The following CTSH variants were observed in gnomAD, a reference collection of about 807,000 sequenced individuals.
CTSH encodes cathepsin H.
CTSH carries 52 observed loss-of-function variants against 56.3 expected under a neutral mutation model. That is an observed-to-expected ratio of 0.92 (90% CI 0.74 to 1.16). The LOEUF (loss-of-function observed/expected upper bound fraction) is 1.16. CTSH is among the 50% of genes most tolerant of loss of function. The pLI is 0.00. For synonymous variants in CTSH, 174 were observed against 155.7 expected, an observed-to-expected ratio of 1.12 and a Z score of -0.88; for missense variants, 406 against 424.5, an observed-to-expected ratio of 0.96 and a Z score of 0.38.
chr15:78,929,418 C>G lies in CTSH; in HGVS notation c.624G>C (p.Gln208His). 2 of 1,612,012 alleles carry G rather than the reference C, an allele frequency of 1.2e-6. No individual in the cohort carries two copies. The highest frequency in any genetic ancestry group is 1.1e-5 in the South Asian group (1 of 90,752). ...TGGAGGCTGTTGGAGTTACCTTGCC[C>G]TGGTAGGGGTAGGTGTCTTCACCCA... ...GIMGEDTYPY[Q>H]GKDGYCKFQP... The change falls in exon 8 of 12, where the codon CAG becomes CAC. Residue 208 changes from glutamine to histidine, a missense_variant. Physicochemically the swap from Gln to His is conservative, Grantham distance 24. Coordinates refer to ENST00000220166, the MANE Select transcript of CTSH (RefSeq NM_004390.5).
intron 10 of CTSH, among the ~76,000 whole-genome samples, 195 bp from the exon 11 acceptor site, chr15:78,923,313 G>T (rs541559726): frequency 6.6e-6 from 1 of 152,146 alleles, no homozygotes; most frequent in Non-Finnish European, 1.5e-5. Context: ...CTTTTGAGAC[G>T]GAGTCTCACT....
chr15:78,929,412 C>G lies in CTSH; in HGVS notation c.630G>C (p.Lys210Asn), dbSNP rs763458320. ...MGEDTYPYQGKDGYCKFQPGK... is the reference protein window; with the variant it reads ...MGEDTYPYQGNDGYCKFQPGK... ...ACAGAGTGGAGGCTGTTGGAGTTAC[C>G]TTGCCCTGGTAGGGGTAGGTGTCTT... The change falls in exon 8 of 12, where the codon AAG becomes AAC. Residue 210 changes from lysine to asparagine, a missense_variant and splice_region_variant. Physicochemically the swap from Lys to Asn is moderately conservative, Grantham distance 94. Coordinates refer to ENST00000220166, the MANE Select transcript of CTSH (RefSeq NM_004390.5). The G allele has an allele frequency of 6.2e-7, 1 of 1,611,742 alleles. No homozygotes were observed. The highest frequency in any genetic ancestry group is 1.1e-5 in the South Asian group (1 of 90,762).
At chr15:78,937,709 G>A in intron 2 of CTSH, 1 of 1,370,002 alleles carries the variant, frequency 7.3e-7, no homozygotes, top group South Asian at 1.2e-5. Context: ...GGCACTCCTG[G>A]ACGCCACTGC....
chr15:78,925,162 C>T (rs2054875551), intron 10 of CTSH, among the ~76,000 whole-genome samples, 172 bp downstream of exon 10: 1 of 152,164 alleles, frequency 6.6e-6, no homozygotes, highest in African/African-American at 2.4e-5. Flanking sequence ...GCCCTTGGGG[C>T]TGTGTGAGGA....
chr15:78,937,787 C>A (rs993845752), intron 2 of CTSH: 1 of 1,303,550 alleles, frequency 7.7e-7, no homozygotes, highest in South Asian at 1.2e-5. Context: ...TGTTCCCCAA[C>A]TGATTCTGCA....
At chr15:78,944,553 A>C (rs2055355680) in intron 1 of CTSH, 1 of 233,470 alleles carries the variant, frequency 4.3e-6, no homozygotes, top group African/African-American at 2.3e-5. Context: ...GCAGGGACAG[A>C]TCAGAGTCCT....
intron 5 of CTSH, 57 bp downstream of exon 5, chr15:78,934,921 G>T: frequency 2.7e-6 from 3 of 1,098,722 alleles, no homozygotes; most frequent in Non-Finnish European, 2.8e-6. Flanking sequence ...TCTTCCTGGT[G>T]TATTGTCTGG....
intron 8 of CTSH, among the ~76,000 whole-genome samples, chr15:78,928,403 A>G (rs967201122): frequency 2.0e-5 from 3 of 147,892 alleles, no homozygotes; most frequent in Admixed American, 6.8e-5. Context: ...TGTCTCTACT[A>G]AAAATATAAA....
intron 1 of CTSH, among the ~76,000 whole-genome samples, chr15:78,940,213 C>T (rs1441408902): frequency 6.6e-6 from 1 of 152,202 alleles, no homozygotes; most frequent in Non-Finnish European, 1.5e-5. Context: ...CGTATTTCCC[C>T]ATGTATGTTC....
Position 78,923,092 on chromosome 15 carries a change from T to G in CTSH, c.833A>C (p.Lys278Thr), listed in dbSNP as rs758464801. ...SSTSCHKTPDKVNHAVLAVGY... is the reference protein window; with the variant it reads ...SSTSCHKTPDTVNHAVLAVGY... ...AACAGCCAGTACTGCATGGTTTACTTTATCTGGAGTTTTATGGCAGGAAGT... is the reference window on the plus strand; with the variant it reads ...AACAGCCAGTACTGCATGGTTTACTGTATCTGGAGTTTTATGGCAGGAAGT... Residue 278 changes from lysine (K) to threonine (T), a missense_variant, in exon 11 of 12, where the codon AAA becomes ACA. Lys to Thr is a moderately conservative substitution (Grantham distance 78). Transcript: ENST00000220166. The G allele has an allele frequency of 6.2e-7, 1 of 1,612,654 alleles. No individual in the cohort carries two copies. Among genetic ancestry groups the G allele is most frequent in the Admixed American group, 1.7e-5 (1 of 59,586 alleles).
intron 9 of CTSH, chr15:78,926,574 A>C (rs1487352106): frequency 1.3e-5 from 2 of 152,242 alleles, no homozygotes; most frequent in African/African-American, 2.4e-5. Flanking sequence ...TGTCCTTGGG[A>C]TATCATGGCC....
intron 5 of CTSH, among the ~76,000 whole-genome samples, chr15:78,933,130 G>A (rs1178041020): frequency 3.3e-5 from 5 of 152,138 alleles, no homozygotes; most frequent in Non-Finnish European, 7.3e-5. Flanking sequence ...CATTGCCGCT[G>A]CCTAGCCCCC....
At position 78,922,126 on chromosome 15, in the gene CTSH, C is replaced by T. The variant is rs777892897; in HGVS notation, c.*4G>A. The T allele has an allele frequency of 2.1e-5, 33 of 1,563,686 alleles. No individual in the cohort carries two copies. Among genetic ancestry groups the T allele is most frequent in the East Asian group, 1.2e-4 (5 of 42,458 alleles). ...CCGCCAGTCTGCGCTGCGGCTGCCA[C>T]GGCTCACACCAGAGGGATGGGGTAG... On this transcript the variant is annotated 3_prime_UTR_variant, in exon 12 of 12. Transcript: ENST00000220166.
rs1430558326 is a variant in CTSH, at chr15:78,922,145, G to T, written c.993C>A (p.Pro331=). 1 of 1,575,586 alleles carries T rather than the reference G, an allele frequency of 6.3e-7. No homozygotes were observed. The highest frequency in any genetic ancestry group is 8.6e-7 in the Non-Finnish European group (1 of 1,161,382). ...MCGLAACASY[P]IPLV ...CTGCCACGGCTCACACCAGAGGGAT[G>T]GGGTAGGAGGCGCAGGCAGCCAGGC... The change falls in exon 12 of 12, where the codon CCC becomes CCA. Residue 331 remains proline, a synonymous_variant. Transcript: ENST00000220166.
chr15:78,927,611 G>A lies in CTSH; in HGVS notation c.699+102C>T, dbSNP rs1160716475. ...TATGAACTCGTCAAAGGGATGTGCT[G>A]CCAGAAGGGCTGCCTTGCTGGGCCC... On this transcript the variant is annotated intron_variant, in intron 9 of 11. Transcript: ENST00000220166. The A allele has an allele frequency of 1.5e-5, 15 of 996,380 alleles. No individual in the cohort carries two copies. The Admixed American group carries it at 2.3e-4, about 15-fold the overall frequency. The allele number at this position is 996,380 out of a possible 1,614,324, so 61.7% of individuals were successfully genotyped here.
intron 1 of CTSH, among the ~76,000 whole-genome samples, 161 bp from the exon 2 acceptor site, chr15:78,939,332 G>A (rs966416422): frequency 6.6e-6 from 1 of 152,174 alleles, no homozygotes; most frequent in Non-Finnish European, 1.5e-5. Context: ...AAGAAACTCC[G>A]ACTCTTCCTG....
intron 2 of CTSH, chr15:78,937,670 G>A: frequency 7.2e-7 from 1 of 1,388,794 alleles, no homozygotes; most frequent in South Asian, 1.2e-5. Context: ...GGTCCAAGAG[G>A]CACTGGTGAA....
At chr15:78,938,284 G>A (rs966490487) in intron 2 of CTSH, among the ~76,000 whole-genome samples, 43 of 152,146 alleles carry the variant, frequency 2.8e-4, no homozygotes, top group African/African-American at 1.0e-3. Flanking sequence ...CATGAGAATC[G>A]CTTGAACCCA....
In CTSH at chr15:78,935,648, A is replaced by T. The variant is rs201343864; in HGVS notation, c.300+32T>A. ...TTATTCCAAAGGTTTCAGTAAAAGGATTCAGATTTGGTTGCAATGAATTAT... is the reference window on the plus strand; with the variant it reads ...TTATTCCAAAGGTTTCAGTAAAAGGTTTCAGATTTGGTTGCAATGAATTAT... On this transcript the variant is annotated intron_variant, in intron 4 of 11. Coordinates refer to ENST00000220166, the MANE Select transcript of CTSH (RefSeq NM_004390.5). The T allele has an allele frequency of 1.8e-4, 280 of 1,563,290 alleles. 2 individuals carry two copies. Among genetic ancestry groups the T allele is most frequent in the Non-Finnish European group, 1.1e-4 (127 of 1,138,702 alleles).
Sources: gnomAD v4.1 joint callset for allele counts (sites outside exome capture counted in the v4.1 genomes callset) on GRCh38, gnomAD v4.1.1 for gene constraint, MANE v1.5 for transcripts, NCBI Gene and HGNC (gene_info 2026-07-23, HGNC 2026-07-21) for gene names.